Variants in GIPC2 observed in about 807,000 individuals in gnomAD.
The protein encoded by GIPC2 is PDZ domain-containing protein GIPC2.
A neutral mutation model predicts 30.6 loss-of-function variants in GIPC2; 30 were observed. The observed-to-expected ratio is 0.98, with a 90% CI of 0.73 to 1.33. The LOEUF (loss-of-function observed/expected upper bound fraction) is 1.33. Ranked by LOEUF, GIPC2 falls within the 40% of genes most tolerant of loss-of-function variation. The pLI, the probability that GIPC2 is intolerant of heterozygous loss-of-function variation, is 0.00. For synonymous variants in GIPC2, 167 were observed against 150.0 expected, an observed-to-expected ratio of 1.11 and a Z score of -0.83; for missense variants, 414 against 390.3, an observed-to-expected ratio of 1.06 and a Z score of -0.51.
intron 4 of GIPC2, among the ~76,000 whole-genome samples, chr1:78,124,058 G>A (rs1195214361): frequency 6.6e-6 from 1 of 152,150 alleles, no homozygotes; most frequent in Non-Finnish European, 1.5e-5. Flanking sequence ...TAACAGTATT[G>A]AAAGTAACAT....
At chr1:78,059,102 T>G (rs1300015068) in intron 1 of GIPC2, among the ~76,000 whole-genome samples, 1 of 152,198 alleles carries the variant, frequency 6.6e-6, no homozygotes, top group African/African-American at 2.4e-5. Context: ...TAGAATCACC[T>G]TGGTGACCTT....
intron 5 of GIPC2, among the ~76,000 whole-genome samples, chr1:78,134,361 T>A (rs976381542): frequency 2.0e-5 from 3 of 151,658 alleles, no homozygotes; most frequent in Non-Finnish European, 4.4e-5. Flanking sequence ...TGTGTGTGTG[T>A]GTATGTATGT....
At chr1:78,126,045 A>G (rs529183348) in intron 5 of GIPC2, 83 bp downstream of exon 5, 149 of 645,472 alleles carry the variant, frequency 2.3e-4, no homozygotes, top group Non-Finnish European at 4.0e-4. Flanking sequence ...AGCCAATTAT[A>G]CTTTTGAAGA....
chr1:78,046,831 G>A (rs1661102325), intron 1 of GIPC2, among the ~76,000 whole-genome samples: 1 of 152,130 alleles, frequency 6.6e-6, no homozygotes, highest in African/African-American at 2.4e-5. Context: ...GATTAAGTGG[G>A]GGGGAAAACA....
chr1:78,134,486 C>T (rs1331286666), intron 5 of GIPC2, among the ~76,000 whole-genome samples: 2 of 152,002 alleles, frequency 1.3e-5, no homozygotes, highest in South Asian at 2.1e-4. Flanking sequence ...CTCTCCCACC[C>T]CATGCCAGGC....
At chr1:78,100,658 G>A (rs932310397) in intron 3 of GIPC2, among the ~76,000 whole-genome samples, 1 of 152,028 alleles carries the variant, frequency 6.6e-6, no homozygotes, top group Non-Finnish European at 1.5e-5. Flanking sequence ...GGCTGGGTGC[G>A]GTGGTTCACT....
rs1557522560 is a variant in GIPC2 at position 78,046,114 on chromosome 1, G to C, written c.20G>C (p.Gly7Ala). 2.0e-6 allele frequency: 3 copies of C among 1,482,868 alleles called. No homozygotes were observed. The highest frequency in any genetic ancestry group is 2.1e-4 in the Middle Eastern group (1 of 4,660). The allele number at this position is 1,482,868 out of a possible 1,614,324, so 91.9% of individuals were successfully genotyped here. Residue 7 changes from glycine (G) to alanine (A), a missense_variant, in exon 1 of 6, where the codon GGG becomes GCG. Coordinates refer to ENST00000370759, the MANE Select transcript of GIPC2 (RefSeq NM_017655.6). MPLKLR[G>A]KKKAKSKETA... ...TGCAAGATGCCCCTGAAGCTGCGGG[G>C]GAAGAAGAAGGCCAAGTCCAAGGAG... is the stretch of plus-strand genomic sequence containing the variant.
intron 1 of GIPC2, among the ~76,000 whole-genome samples, chr1:78,067,847 C>T (rs982367004): frequency 1.3e-5 from 2 of 152,190 alleles, no homozygotes; most frequent in Non-Finnish European, 2.9e-5. Context: ...AATTTAATGT[C>T]TATCTCTGTA....
intron 2 of GIPC2, among the ~76,000 whole-genome samples, chr1:78,081,275 T>C (rs1661823311): frequency 6.6e-6 from 1 of 152,174 alleles, no homozygotes; most frequent in African/African-American, 2.4e-5. Flanking sequence ...AGGAAGTATA[T>C]AAAGTTGGAT....
chr1:78,136,600 C>CT lies in GIPC2; in HGVS notation c.*860dup, dbSNP rs568805941. 9.8e-5 allele frequency: 10 copies of CT among 102,512 alleles called. No homozygotes were observed. In the East Asian group the frequency reaches 2.4e-3, roughly 25 times the overall value. 6.4% of individuals were successfully genotyped at this position (102,512 alleles called of 1,614,324 possible). ...AAGATATTTACTCAAAATAACTATG[C>CT]TTTAGAACTTTTTTTTTTTTTTTTT... is the stretch of plus-strand genomic sequence containing the variant. On this transcript the variant is annotated 3_prime_UTR_variant, in exon 6 of 6. Coordinates refer to ENST00000370759, the MANE Select transcript of GIPC2 (RefSeq NM_017655.6).
At chr1:78,067,027 A>G (rs991330474) in intron 1 of GIPC2, among the ~76,000 whole-genome samples, 2 of 152,220 alleles carry the variant, frequency 1.3e-5, no homozygotes, top group African/African-American at 4.8e-5. Flanking sequence ...CCCGAACTTT[A>G]AATGAAAAAA....
At chr1:78,125,797 C>T (rs978174976) in intron 4 of GIPC2, 84 bp from the exon 5 acceptor site, 2 of 728,752 alleles carry the variant, frequency 2.7e-6, no homozygotes, top group African/African-American at 1.8e-5. Flanking sequence ...TGAACCGGCT[C>T]CACATCAGGC....
upstream of GIPC2, chr1:78,045,223 T>TAATAG (rs1553138467): frequency 3.8e-6 from 1 of 262,658 alleles, no homozygotes; most frequent in Non-Finnish European, 5.9e-6. Context: ...ACAGTGCTTC[T>TAATAG]AAGAGCAGAG....
intron 1 of GIPC2, among the ~76,000 whole-genome samples, chr1:78,048,970 A>G (rs2102632009): frequency 6.6e-6 from 1 of 152,296 alleles, no homozygotes; most frequent in South Asian, 2.1e-4. Flanking sequence ...TTCCATCTGG[A>G]TTAGAAAAAG....
chr1:78,117,553 G>T (rs1336248468), intron 3 of GIPC2, among the ~76,000 whole-genome samples: 1 of 152,192 alleles, frequency 6.6e-6, no homozygotes, highest in East Asian at 1.9e-4. Context: ...TTTTCTGTGA[G>T]AATCTCATGC....
At chr1:78,045,776 CT>C, upstream of GIPC2, 1 of 1,122,196 alleles carries the variant, frequency 8.9e-7, no homozygotes, top group South Asian at 3.7e-5. Context: ...GCGTATTGTT[CT>C]GTAGCGTCGG....
At chr1:78,100,756 C>G (rs75704824) in intron 3 of GIPC2, among the ~76,000 whole-genome samples, 2 of 151,836 alleles carry the variant, frequency 1.3e-5, no homozygotes, top group African/African-American at 4.8e-5. Context: ...GTGGTGAAAC[C>G]CTGTCTCTAC....
intron 1 of GIPC2, among the ~76,000 whole-genome samples, chr1:78,072,426 A>C (rs1450947577): frequency 6.6e-6 from 1 of 151,544 alleles, no homozygotes; most frequent in Non-Finnish European, 1.5e-5. Flanking sequence ...TTTACCAAAT[A>C]TTTTGGGGGC....
At chr1:78,107,460 G>C (rs954330639) in intron 3 of GIPC2, among the ~76,000 whole-genome samples, 1 of 151,842 alleles carries the variant, frequency 6.6e-6, no homozygotes, top group African/African-American at 2.4e-5. Context: ...TTTTTCTTTA[G>C]GCTTATATTT....
Sources: gnomAD v4.1 joint callset for allele counts (sites outside exome capture counted in the v4.1 genomes callset) on GRCh38, gnomAD v4.1.1 for gene constraint, MANE v1.5 for transcripts, NCBI Gene and HGNC (gene_info 2026-07-23, HGNC 2026-07-21) for gene names.